FDFT1: variants seen among roughly 807,000 people sequenced by gnomAD.
FDFT1 encodes squalene synthase.
Under a neutral mutation model 46.8 loss-of-function variants are expected in FDFT1, and 68 were observed. The observed-to-expected ratio is 1.45, with a 90% confidence interval of 1.19 to 1.78. The LOEUF (loss-of-function observed/expected upper bound fraction) is 1.78, where lower values mean the gene tolerates loss of function less well. Among genes scored for constraint, FDFT1 ranks in the 40% most tolerant of loss-of-function variants. The pLI is 0.00. For missense variants in FDFT1, 928 were observed against 524.4 expected (o/e 1.77, Z -7.52); for synonymous variants, 351 against 185.1 (o/e 1.90, Z -7.28).
At chr8:11,831,739 C>T in intron 7 of FDFT1, 69 bp downstream of exon 7, 1 of 1,306,892 alleles carries the variant, frequency 7.7e-7, no homozygotes, top group Non-Finnish European at 1.1e-6. Flanking sequence ...CACTGTTTAA[C>T]CAGGTTTGGA....
upstream of FDFT1, among the ~76,000 whole-genome samples, chr8:11,797,261 C>T (rs1805651998): frequency 1.3e-5 from 2 of 152,162 alleles, no homozygotes; most frequent in Admixed American, 6.5e-5. Context: ...CCTTGGACTG[C>T]CTGCAGCAGC....
intron 3 of FDFT1, 30 bp downstream of exon 3, chr8:11,809,880 A>T (rs1050357736): frequency 6.4e-7 from 1 of 1,567,236 alleles, no homozygotes; most frequent in Non-Finnish European, 8.7e-7. Context: ...TTGTCTACGG[A>T]CTGTTGTGTT....
At chr8:11,809,289 T>C (rs1335847978) in intron 2 of FDFT1, 12 of 1,097,112 alleles carry the variant, frequency 1.1e-5, no homozygotes, top group Non-Finnish European at 1.3e-5. Context: ...ACCAGTTGCC[T>C]TTATGTATGA....
Position 11,803,631 on chromosome 8 carries a change from T to C in FDFT1, c.99+700T>C, listed in dbSNP as rs935573427. 1.5e-5 allele frequency: 8 copies of C among 517,374 alleles called. No individual in the cohort carries two copies. The African/African-American group carries it at 1.6e-4, about 10-fold the overall frequency. The allele number at this position is 517,374 out of a possible 1,614,324, so 32.0% of individuals were successfully genotyped here. On this transcript the variant is annotated intron_variant, in intron 1 of 7. Coordinates refer to ENST00000220584, the MANE Select transcript of FDFT1 (RefSeq NM_004462.5). ...CAAGAAAATTATTCGTACGCGATTA[T>C]TGAATGAATAGACAAATTCAGCCAA...
intron 3 of FDFT1, among the ~76,000 whole-genome samples, chr8:11,814,860 T>G (rs554101279): frequency 1.4e-5 from 2 of 146,854 alleles, no homozygotes; most frequent in Admixed American, 6.8e-5. Context: ...AGGGTCTGAG[T>G]TTTTTTTTTT....
Position 11,808,557 on chromosome 8 carries a change from T to A in FDFT1, c.100-237T>A, listed in dbSNP as rs1807216904. On this transcript the variant is annotated intron_variant, in intron 1 of 7. Transcript: ENST00000220584. ...CTGCGGCACCAAGGCCATGGCCCTC[T>A]TCAAGCGCACCTTGGTGCTGAGTCC... The A allele has an allele frequency of 2.2e-6, 3 of 1,367,646 alleles. No individual in the cohort carries two copies. In the African/African-American group the frequency reaches 4.6e-5, roughly 21 times the overall value. The allele number at this position is 1,367,646 out of a possible 1,614,324, so 84.7% of individuals were successfully genotyped here.
At chr8:11,824,656 T>A (rs1809716357) in intron 4 of FDFT1, among the ~76,000 whole-genome samples, 1 of 152,194 alleles carries the variant, frequency 6.6e-6, no homozygotes, top group South Asian at 2.1e-4. Flanking sequence ...TGTGCCTCAG[T>A]TTCCTCATCT....
chr8:11,812,967 A>G (rs1394716966), intron 3 of FDFT1, among the ~76,000 whole-genome samples: 2 of 152,210 alleles, frequency 1.3e-5, no homozygotes, highest in East Asian at 3.8e-4. Context: ...TGTGAACATC[A>G]TAGAGTGTAC....
intron 4 of FDFT1, 29 bp from the exon 5 acceptor site, chr8:11,825,995 T>G: frequency 6.7e-7 from 1 of 1,487,004 alleles, no homozygotes; most frequent in Non-Finnish European, 9.1e-7. Flanking sequence ...ATTCCATTAT[T>G]AAAGTGCTTT....
At position 11,838,535 on chromosome 8, in the gene FDFT1, G is replaced by A; in HGVS notation, c.1180G>A (p.Ala394Thr). 1.2e-6 allele frequency: 2 copies of A among 1,610,512 alleles called. No homozygotes were observed. The highest frequency in any genetic ancestry group is 1.7e-6 in the Non-Finnish European group (2 of 1,178,390). The change falls in exon 8 of 8, where the codon GCT (alanine) becomes ACT (threonine). Residue 394 changes from alanine (A) to threonine (T), a missense_variant. Ala to Thr is a moderately conservative substitution (Grantham distance 58). Coordinates refer to ENST00000220584, the MANE Select transcript of FDFT1 (RefSeq NM_004462.5). ...PIYLSFVMLL[A>T]ALSWQYLTTL... ...CTACCTGTCGTTTGTCATGCTTTTG[G>A]CTGCCCTGAGCTGGCAGTACCTGAC...
chr8:11,837,121 A>T (rs1056727312), intron 7 of FDFT1, among the ~76,000 whole-genome samples: 1 of 152,274 alleles, frequency 6.6e-6, no homozygotes, highest in Non-Finnish European at 1.5e-5. Context: ...GGTAGGAGCC[A>T]GTTGAAGGGA....
At chr8:11,832,911 C>T (rs1190133720) in intron 7 of FDFT1, among the ~76,000 whole-genome samples, 1 of 152,134 alleles carries the variant, frequency 6.6e-6, no homozygotes, top group Admixed American at 6.5e-5. Flanking sequence ...TCTAGTCCCC[C>T]TGTTACGCGT....
At chr8:11,835,060 G>T (rs3779660) in intron 7 of FDFT1, among the ~76,000 whole-genome samples, 48,506 of 152,020 alleles carry the variant, frequency 0.32, 8,776 homozygotes, top group East Asian at 0.51. Flanking sequence ...GGAGGTGGAG[G>T]TTGTAGTGAG....
intron 3 of FDFT1, among the ~76,000 whole-genome samples, chr8:11,810,752 TG>T (rs1807601566): frequency 6.6e-6 from 1 of 152,022 alleles, no homozygotes; most frequent in African/African-American, 2.4e-5. Flanking sequence ...CAAAGTCACA[TG>T]TTGTGTAATA....
At chr8:11,809,257 C>G in intron 2 of FDFT1, 1 of 1,144,922 alleles carries the variant, frequency 8.7e-7, no homozygotes, top group African/African-American at 1.6e-5. Context: ...TGCCTCTGTG[C>G]ACATTACACC....
intron 1 of FDFT1, among the ~76,000 whole-genome samples, chr8:11,796,763 C>A (rs948809494): frequency 6.6e-6 from 1 of 152,232 alleles, no homozygotes; most frequent in African/African-American, 2.4e-5. Context: ...TTGTGGTTTT[C>A]TTGCAGGACA....
At chr8:11,800,078 G>T (rs1805954954), upstream of FDFT1, among the ~76,000 whole-genome samples, 1 of 151,058 alleles carries the variant, frequency 6.6e-6, no homozygotes, top group African/African-American at 2.4e-5. Context: ...TGGCCAACAT[G>T]GTGAAACCCT....
chr8:11,828,425 C>G (rs1300765075), intron 5 of FDFT1, among the ~76,000 whole-genome samples: 4 of 152,230 alleles, frequency 2.6e-5, no homozygotes, highest in Non-Finnish European at 5.9e-5. Context: ...TTTGCAGACA[C>G]AGGGCTCAGA....
At chr8:11,827,635 C>T (rs1419614392) in intron 5 of FDFT1, among the ~76,000 whole-genome samples, 2 of 151,994 alleles carry the variant, frequency 1.3e-5, no homozygotes, top group East Asian at 1.9e-4. Flanking sequence ...AACTGCCCCA[C>T]AGAAAAATGG....
Sources: allele counts gnomAD v4.1 joint callset (sites outside exome capture counted in the v4.1 genomes callset), GRCh38; gene constraint gnomAD v4.1.1; transcripts MANE v1.5; gene names NCBI Gene and HGNC (gene_info 2026-07-23, HGNC 2026-07-21).